The following NEK11 variants were observed in gnomAD, a reference collection of about 807,000 sequenced individuals.
NEK11 encodes the protein serine/threonine-protein kinase Nek11.
A neutral mutation model predicts 80.7 loss-of-function variants in NEK11; 72 were observed. The ratio of observed to expected loss-of-function variants is 0.89; its 90% CI spans 0.74 to 1.08. The LOEUF (loss-of-function observed/expected upper bound fraction) is 1.08. Among genes scored for constraint, NEK11 ranks in the 50% least tolerant of loss-of-function variants. The probability of loss-of-function intolerance (pLI) is 0.00; values close to 1 mark genes in which losing one functional copy is unlikely to be tolerated. For missense variants in NEK11, 764 were observed against 763.6 expected (o/e 1.00, Z -0.01); for synonymous variants, 251 against 260.7 (o/e 0.96, Z 0.36).
intron 17 of NEK11, chr3:131,325,019 T>C (rs2096944104): frequency 6.6e-6 from 1 of 152,224 alleles, no homozygotes; most frequent in Admixed American, 6.5e-5. Context: ...CTGAAAATAA[T>C]GACTTAATGT....
chr3:131,074,861 T>G (rs2074070622), intron 3 of NEK11, among the ~76,000 whole-genome samples: 1 of 152,222 alleles, frequency 6.6e-6, no homozygotes, highest in Non-Finnish European at 1.5e-5. Flanking sequence ...GTTGTCCAAC[T>G]ATTTATATAC....
intron 4 of NEK11, among the ~76,000 whole-genome samples, chr3:131,099,888 T>C (rs761050088): frequency 2.0e-5 from 3 of 152,208 alleles, no homozygotes; most frequent in East Asian, 1.9e-4. Context: ...TAGGGTGTTT[T>C]AGGAATAGAA....
chr3:131,198,962 G>A (rs1169541213), intron 14 of NEK11, among the ~76,000 whole-genome samples: 1 of 152,190 alleles, frequency 6.6e-6, no homozygotes. Flanking sequence ...TTTGGGATGA[G>A]GACAAGCCAG....
intron 14 of NEK11, among the ~76,000 whole-genome samples, chr3:131,183,652 A>G (rs1482188355): frequency 4.6e-5 from 7 of 152,114 alleles, no homozygotes; most frequent in African/African-American, 1.7e-4. Context: ...TCCATGGTGT[A>G]TATGTATCAC....
intron 3 of NEK11, among the ~76,000 whole-genome samples, chr3:131,058,390 A>G (rs953423403): frequency 2.6e-5 from 4 of 152,118 alleles, no homozygotes; most frequent in Non-Finnish European, 5.9e-5. Flanking sequence ...TTGGTTCCAT[A>G]TGAACTTTAA....
chr3:131,255,074 A>AGACAGAC (rs1561221002), intron 16 of NEK11, among the ~76,000 whole-genome samples: 1 of 122,026 alleles, frequency 8.2e-6, no homozygotes, highest in African/African-American at 3.1e-5. Context: ...GACAGACAGA[A>AGACAGAC]AGAAGGAAAG....
intron 7 of NEK11, among the ~76,000 whole-genome samples, chr3:131,142,543 T>C (rs1475635823): frequency 6.6e-6 from 1 of 152,166 alleles, no homozygotes; most frequent in African/African-American, 2.4e-5. Flanking sequence ...GCTGTTGCCA[T>C]ATTCGGTCTT....
intron 17 of NEK11, among the ~76,000 whole-genome samples, chr3:131,344,046 T>A (rs574964632): frequency 6.6e-6 from 1 of 152,368 alleles, no homozygotes; most frequent in Non-Finnish European, 1.5e-5. Context: ...CTTTGTCACA[T>A]GGCTAGGCTG....
intron 3 of NEK11, among the ~76,000 whole-genome samples, chr3:131,033,630 T>C (rs961917223): frequency 1.3e-5 from 2 of 152,248 alleles, no homozygotes; most frequent in East Asian, 1.9e-4. Context: ...ACTTAACTTT[T>C]CCGTCAAAGT....
chr3:131,261,472 A>G (rs1276228435), intron 16 of NEK11, among the ~76,000 whole-genome samples: 2 of 152,164 alleles, frequency 1.3e-5, no homozygotes, highest in African/African-American at 4.8e-5. Context: ...CTTTGTTAGC[A>G]TAGGCATTGT....
intron 4 of NEK11, among the ~76,000 whole-genome samples, chr3:131,107,864 A>T (rs1198380790): frequency 2.0e-5 from 3 of 152,100 alleles, no homozygotes; most frequent in Non-Finnish European, 4.4e-5. Flanking sequence ...TGTTATAATG[A>T]TCTATTGTCA....
intron 16 of NEK11, among the ~76,000 whole-genome samples, chr3:131,267,242 T>G (rs2096076217): frequency 6.6e-6 from 1 of 152,240 alleles, no homozygotes; most frequent in Non-Finnish European, 1.5e-5. Context: ...TGATGCTAGC[T>G]CTTTATTTTG....
At chr3:131,129,052 CTTTTTTTTTT>C (rs759751535) in intron 5 of NEK11, among the ~76,000 whole-genome samples, 1 of 109,550 alleles carries the variant, frequency 9.1e-6, no homozygotes, top group Non-Finnish European at 1.7e-5. Flanking sequence ...GGATAACAGT[CTTTTTTTTTT>C]TTTTTTTTTG....
rs370984188 is a variant in NEK11 at position 131,132,734 on chromosome 3, G to A, written c.456-11G>A. 1.1e-3 allele frequency: 1,567 copies of A among 1,450,838 alleles called. 2 individuals are homozygous for A. The highest frequency in any genetic ancestry group is 1.3e-3 in the Non-Finnish European group (1,385 of 1,054,750). The allele number at this position is 1,450,838 out of a possible 1,614,324, so 89.9% of individuals were successfully genotyped here. A position where few individuals can be genotyped will look rare whatever the true frequency, so the allele number is the denominator to read the frequency against. ...CTGCATGAAGTTGTATATCTTTTTT[G>A]CCTTTTGTAGGAGGATACTTCATCG... On this transcript the variant is annotated splice_polypyrimidine_tract_variant and intron_variant, in intron 5 of 17. Transcript: ENST00000383366.
chr3:131,336,303 A>G (rs1339618474), intron 17 of NEK11, among the ~76,000 whole-genome samples: 1 of 152,196 alleles, frequency 6.6e-6, no homozygotes, highest in Admixed American at 6.5e-5. Context: ...GAGCCCTCAG[A>G]AATAACGCCG....
chr3:131,215,949 G>A (rs2094820895), intron 14 of NEK11, among the ~76,000 whole-genome samples: 2 of 152,214 alleles, frequency 1.3e-5, no homozygotes, highest in South Asian at 2.1e-4. Flanking sequence ...TGCAGTGTTG[G>A]AAATATTCTA....
At chr3:131,095,136 G>A (rs2077251309) in intron 4 of NEK11, among the ~76,000 whole-genome samples, 1 of 152,158 alleles carries the variant, frequency 6.6e-6, no homozygotes, top group Non-Finnish European at 1.5e-5. Context: ...CATTCAAATT[G>A]TATATCTTAA....
chr3:131,264,628 G>C (rs1192536187), intron 16 of NEK11, among the ~76,000 whole-genome samples: 1 of 152,178 alleles, frequency 6.6e-6, no homozygotes, highest in African/African-American at 2.4e-5. Flanking sequence ...TTGTAGTATA[G>C]TTTGAAGTCA....
intron 9 of NEK11, among the ~76,000 whole-genome samples, chr3:131,153,609 C>T (rs976747154): frequency 1.3e-5 from 2 of 152,098 alleles, no homozygotes; most frequent in African/African-American, 2.4e-5. Context: ...TGGTCATCCA[C>T]TTTAAAAACT....
Sources: gnomAD v4.1 joint callset for allele counts (sites outside exome capture counted in the v4.1 genomes callset) on GRCh38, gnomAD v4.1.1 for gene constraint, MANE v1.5 for transcripts, NCBI Gene and HGNC (gene_info 2026-07-23, HGNC 2026-07-21) for gene names.